Variants in ABLIM2 observed in about 807,000 individuals in gnomAD.
The protein encoded by ABLIM2 is actin-binding LIM protein 2.
Under a neutral mutation model 97.7 loss-of-function variants are expected in ABLIM2, and 53 were observed. That is an observed-to-expected ratio of 0.54 (90% confidence interval 0.44 to 0.68). The LOEUF is 0.68. ABLIM2 is among the 30% of genes least tolerant of loss of function. The pLI is 0.00. For synonymous variants in ABLIM2, 361 were observed against 345.8 expected, an observed-to-expected ratio of 1.04 and a Z score of -0.49; for missense variants, 835 against 867.2, an observed-to-expected ratio of 0.96 and a Z score of 0.47.
At position 8,106,616 on chromosome 4, in the gene ABLIM2, G is replaced by A. The variant is rs897205277; in HGVS notation, c.32C>T (p.Pro11Leu). MSAVSQPQAA[P>L]SPLEKSPSTA... is the part of the protein sequence containing the mutation. ...GCTGGGCGACTTCTCCAGCGGGCTG[G>A]GAGCAGCCTGGGGCTGCGACACTGT... Residue 11 changes from proline to leucine, a missense_variant, in exon 2 of 21, where the codon CCC becomes CTC. Coordinates refer to ENST00000447017, the MANE Select transcript of ABLIM2 (RefSeq NM_001130083.2). The A allele has an allele frequency of 1.2e-6, 2 of 1,611,208 alleles. No individual in the cohort carries two copies. Among genetic ancestry groups the A allele is most frequent in the African/African-American group, 2.7e-5 (2 of 74,922 alleles).
Position 8,112,566 on chromosome 4 carries a change from G to A in ABLIM2, c.11-5929C>T, listed in dbSNP as rs187471521. Among the ~76,000 whole-genome samples the A allele has an allele frequency of 5.9e-5, 9 of 152,274 alleles. No individual in the cohort carries two copies. The highest frequency in any genetic ancestry group is 2.2e-4 in the African/African-American group (9 of 41,552). On this transcript the variant is annotated intron_variant, in intron 1 of 20. Transcript: ENST00000447017. This position sits in a 1 kb window ranked among gnomAD's most constrained non-coding sequence, Gnocchi z 4.2. Reference sequence around the variant, plus strand: ...GGTGGCTATCAGAAAGAGGAAAAACGATGACTCTGAGGTCTACTCGAGGTT... The same window carrying A: ...GGTGGCTATCAGAAAGAGGAAAAACAATGACTCTGAGGTCTACTCGAGGTT...
At chr4:8,133,756 T>C (rs1849769763) in intron 1 of ABLIM2, among the ~76,000 whole-genome samples, 1 of 152,182 alleles carries the variant, frequency 6.6e-6, no homozygotes, top group Non-Finnish European at 1.5e-5. Context: ...CAAATGCCCC[T>C]TGAGACAGCG....
intron 14 of ABLIM2, among the ~76,000 whole-genome samples, chr4:8,016,770 A>G (rs1769595059): frequency 6.6e-6 from 1 of 152,144 alleles, no homozygotes; most frequent in Non-Finnish European, 1.5e-5. Flanking sequence ...TCTCCACAGA[A>G]CACCTGCCCA....
intron 16 of ABLIM2, chr4:8,007,615 G>C: frequency 3.0e-6 from 3 of 991,486 alleles, no homozygotes; most frequent in Non-Finnish European, 3.6e-6. Context: ...GAAGCCTGAG[G>C]CTGTGCCTCG....
intron 9 of ABLIM2, 118 bp downstream of exon 9, chr4:8,045,046 A>G (rs1274516706): frequency 5.6e-6 from 5 of 888,434 alleles, no homozygotes; most frequent in Non-Finnish European, 7.4e-6. Flanking sequence ...GCCGTACCTC[A>G]GGCCCCAGAT....
In ABLIM2 at chr4:7,972,591, C is replaced by T. The variant is rs549608186; in HGVS notation, c.1825-5488G>A. Among the ~76,000 whole-genome samples the T allele has an allele frequency of 2.0e-5, 3 of 152,322 alleles. No homozygotes were observed. In the East Asian group the frequency reaches 5.8e-4, roughly 29 times the overall value. ...ATTGTGAATCTGAATCTGGGCTGTC[C>T]CCTCTGCAGTGCTGCCTCCCAACAC... On this transcript the variant is annotated intron_variant, in intron 20 of 20. Coordinates refer to ENST00000447017, the MANE Select transcript of ABLIM2 (RefSeq NM_001130083.2).
intron 4 of ABLIM2, among the ~76,000 whole-genome samples, 167 bp downstream of exon 4, chr4:8,088,002 C>A (rs1178728413): frequency 8.1e-6 from 1 of 123,922 alleles, no homozygotes; most frequent in African/African-American, 3.0e-5. Flanking sequence ...ACCAGCAAGC[C>A]CCCACTTAGC....
In ABLIM2 at chr4:8,128,101, C is replaced by T. The variant is rs1286949731; in HGVS notation, c.11-21464G>A. 3.9e-5 allele frequency among the ~76,000 whole-genome samples: 6 copies of T among 152,216 alleles called. No individual in the cohort carries two copies. Among genetic ancestry groups the T allele is most frequent in the Admixed American group, 3.9e-4 (6 of 15,290 alleles). ...GTATAGGGAGCTCAGGCTGCCTCTT[C>T]CCGCTGCTGGTGGCTCCAGGCGCCC... On this transcript the variant is annotated intron_variant, in intron 1 of 20. Transcript: ENST00000447017. This position sits in a 1 kb window ranked among gnomAD's most constrained non-coding sequence, Gnocchi z 4.9.
In ABLIM2 at chr4:8,022,463, C is replaced by T. The variant is rs1351155988; in HGVS notation, c.1268-2160G>A. On this transcript the variant is annotated intron_variant, in intron 12 of 20. Transcript: ENST00000447017. This position sits in a 1 kb window ranked among gnomAD's most constrained non-coding sequence, Gnocchi z 7.8. ...TCAGATACTTGGAGGGGCCTGAGGC[C>T]GCAGGGAAGCTGGGGACACAGCCAT... Among the ~76,000 whole-genome samples the T allele has an allele frequency of 1.3e-5, 2 of 152,204 alleles. No homozygotes were observed. Among genetic ancestry groups the T allele is most frequent in the Admixed American group, 1.3e-4 (2 of 15,286 alleles).
In ABLIM2 at chr4:8,120,511, T is replaced by C. The variant is rs573608224; in HGVS notation, c.11-13874A>G. ...GAAGACGCGGGAGAAGATGGCGACT[T>C]AGATGCCAGGAGAGGGGCCCTGGGA... On this transcript the variant is annotated intron_variant, in intron 1 of 20. Coordinates refer to ENST00000447017, the MANE Select transcript of ABLIM2 (RefSeq NM_001130083.2). The surrounding 1 kb of genome is among the most constrained non-coding windows in gnomAD (Gnocchi z 5.6). Among the ~76,000 whole-genome samples, 6 of 152,140 alleles carry C rather than the reference T, an allele frequency of 3.9e-5. No homozygotes were observed. In the East Asian group the frequency reaches 1.2e-3, roughly 29 times the overall value.
Position 8,128,378 on chromosome 4 carries a change from G to A in ABLIM2, c.11-21741C>T, listed in dbSNP as rs1425217327. On this transcript the variant is annotated intron_variant, in intron 1 of 20. Transcript: ENST00000447017. This position sits in a 1 kb window ranked among gnomAD's most constrained non-coding sequence, Gnocchi z 4.9. ...ACGTGTCTCTATCTAGCGAATCAGA[G>A]TCCAGCACCCCGTCATAGGATGCGT... Among the ~76,000 whole-genome samples the A allele has an allele frequency of 6.6e-6, 1 of 152,186 alleles. No homozygotes were observed. Among genetic ancestry groups the A allele is most frequent in the African/African-American group, 2.4e-5 (1 of 41,444 alleles).
intron 7 of ABLIM2, 121 bp downstream of exon 7, chr4:8,060,846 G>A (rs1802521393): frequency 7.3e-6 from 6 of 826,618 alleles, no homozygotes; most frequent in Non-Finnish European, 1.1e-5. Context: ...GCTGTGGCTG[G>A]GCTGCTCGTG....
intron 8 of ABLIM2, among the ~76,000 whole-genome samples, chr4:8,051,485 A>G (rs1170091346): frequency 6.6e-6 from 1 of 151,508 alleles, no homozygotes. Context: ...TGAATCTGGG[A>G]AGCAGAGGTT....
chr4:8,083,274 T>A lies in ABLIM2; in HGVS notation c.455-2472A>T. 6.6e-6 allele frequency among the ~76,000 whole-genome samples: 1 copy of A among 152,116 alleles called. No individual in the cohort carries two copies. Among genetic ancestry groups the A allele is most frequent in the Non-Finnish European group, 1.5e-5 (1 of 68,010 alleles). On this transcript the variant is annotated intron_variant, in intron 4 of 20. Transcript: ENST00000447017. This position sits in a 1 kb window ranked among gnomAD's most constrained non-coding sequence, Gnocchi z 4.6. Reference sequence around the variant, plus strand: ...CCCCACCGGCTGTGACCTGGGGAAGTCACTTCACCTCTCTGTGCCCCTGGA... The same window carrying A: ...CCCCACCGGCTGTGACCTGGGGAAGACACTTCACCTCTCTGTGCCCCTGGA...
At chr4:8,101,230 A>G (rs955268697) in intron 2 of ABLIM2, among the ~76,000 whole-genome samples, 1 of 152,222 alleles carries the variant, frequency 6.6e-6, no homozygotes, top group African/African-American at 2.4e-5. Flanking sequence ...GTCTTGGCCC[A>G]GCCCGGCTCA....
chr4:8,093,973 A>T (rs1830155561), intron 3 of ABLIM2, among the ~76,000 whole-genome samples: 3 of 152,180 alleles, frequency 2.0e-5, no homozygotes. Flanking sequence ...AGAGAAATAG[A>T]TCTACATCCA....
intron 6 of ABLIM2, among the ~76,000 whole-genome samples, chr4:8,065,843 G>T (rs1806773605): frequency 6.6e-6 from 1 of 151,800 alleles, no homozygotes; most frequent in African/African-American, 2.4e-5. Context: ...AGAATTGCTT[G>T]AACTTGGGAG....
intron 1 of ABLIM2, among the ~76,000 whole-genome samples, chr4:8,136,912 T>G (rs944487304): frequency 6.6e-6 from 1 of 152,108 alleles, no homozygotes; most frequent in Non-Finnish European, 1.5e-5. Flanking sequence ...CAAATTTGTG[T>G]GAGAAAATCC....
intron 1 of ABLIM2, among the ~76,000 whole-genome samples, chr4:8,136,111 A>G (rs1850157544): frequency 6.6e-6 from 1 of 152,246 alleles, no homozygotes; most frequent in Non-Finnish European, 1.5e-5. Flanking sequence ...ACGATGAAAT[A>G]GCACTCAGCC....
Sources: gnomAD v4.1 joint callset for allele counts (sites outside exome capture counted in the v4.1 genomes callset) on GRCh38, gnomAD v4.1.1 for gene constraint, Gnocchi (gnomAD v3.1) non-coding constraint, MANE v1.5 for transcripts, NCBI Gene and HGNC (gene_info 2026-07-23, HGNC 2026-07-21) for gene names.